PDE9A: variants seen among roughly 807,000 people sequenced by gnomAD.
PDE9A encodes the protein phosphodiesterase 9A, also known as high affinity cGMP-specific 3',5'-cyclic phosphodiesterase 9A.
Under a neutral mutation model 87.4 loss-of-function variants are expected in PDE9A, and 60 were observed. The observed-to-expected ratio is 0.69, with a 90% confidence interval of 0.56 to 0.85. The LOEUF (loss-of-function observed/expected upper bound fraction) is 0.85. Among genes scored for constraint, PDE9A ranks in the 40% least tolerant of loss-of-function variants. The pLI is 0.00. For missense variants in PDE9A, 665 were observed against 779.0 expected, an observed-to-expected ratio of 0.85 and a Z score of 1.74; for synonymous variants, 272 against 279.4, an observed-to-expected ratio of 0.97 and a Z score of 0.27.
Position 42,675,500 on chromosome 21 carries a change from A to C in PDE9A, c.70-10692A>C, listed in dbSNP as rs1330910164. Among the ~76,000 whole-genome samples the C allele has an allele frequency of 1.3e-5, 2 of 152,238 alleles. No individual in the cohort carries two copies. The highest frequency in any genetic ancestry group is 4.8e-5 in the African/African-American group (2 of 41,460). ...TGCTCTTATTAGTATGTTTATCTTCATTATGTCCCTAAGAGCCATTCCTGG... is the reference window on the plus strand; with the variant it reads ...TGCTCTTATTAGTATGTTTATCTTCCTTATGTCCCTAAGAGCCATTCCTGG... On this transcript the variant is annotated intron_variant, in intron 1 of 19. Transcript: ENST00000291539. The surrounding 1 kb of genome is among the most constrained non-coding windows in gnomAD (Gnocchi z 4.3).
intron 1 of PDE9A, among the ~76,000 whole-genome samples, chr21:42,664,831 C>T (rs1400707678): frequency 1.3e-5 from 2 of 152,234 alleles, no homozygotes; most frequent in East Asian, 1.9e-4. Context: ...TCTCGACTTC[C>T]GCCCGCCTGC....
At chr21:42,762,060 C>G (rs563924183) in intron 13 of PDE9A, 23 bp from the exon 14 acceptor site, 2 of 1,608,642 alleles carry the variant, frequency 1.2e-6, no homozygotes, top group Non-Finnish European at 1.7e-6. Flanking sequence ...TGAGTCTCCC[C>G]TCACTCTCTC....
chr21:42,704,208 C>T lies in PDE9A; in HGVS notation c.262+5197C>T, dbSNP rs377558147. 3.3e-5 allele frequency among the ~76,000 whole-genome samples: 5 copies of T among 152,198 alleles called. No individual in the cohort carries two copies. The highest frequency in any genetic ancestry group is 7.2e-5 in the African/African-American group (3 of 41,454). ...GTGTCCCTCCGGGCCAGCCGAGGAG[C>T]GCTGCGCTTATTCCGCAGTGAGGAG... On this transcript the variant is annotated intron_variant, in intron 4 of 19. Coordinates refer to ENST00000291539, the MANE Select transcript of PDE9A (RefSeq NM_002606.3). This position sits in a 1 kb window ranked among gnomAD's most constrained non-coding sequence, Gnocchi z 5.3.
At chr21:42,751,278 C>G in intron 9 of PDE9A, 81 bp downstream of exon 9, 1 of 1,011,612 alleles carries the variant, frequency 9.9e-7, no homozygotes, top group Non-Finnish European at 1.6e-6. Flanking sequence ...GCGGCCAGAC[C>G]CTGCTGTGTG....
In PDE9A at chr21:42,762,092, C is replaced by G; in HGVS notation, c.1095C>G (p.Ile365Met). 6.2e-7 allele frequency: 1 copy of G among 1,613,632 alleles called. No homozygotes were observed. Among genetic ancestry groups the G allele is most frequent in the Non-Finnish European group, 8.5e-7 (1 of 1,179,724 alleles). ...TCTCCTTGCCTCCCAGGTACCAGATCAATGCCCGCACAGAGCTGGCGGTCC... is the reference window on the plus strand; with the variant it reads ...TCTCCTTGCCTCCCAGGTACCAGATGAATGCCCGCACAGAGCTGGCGGTCC... ...DHPGYNNTYQ[I>M]NARTELAVRY... The change falls in exon 14 of 20, where the codon ATC (isoleucine) becomes ATG (methionine). Residue 365 changes from isoleucine to methionine, a missense_variant. By Grantham distance (10) the Ile-to-Met change is conservative. Transcript: ENST00000291539.
At chr21:42,755,897 C>T (rs968854826) in intron 10 of PDE9A, among the ~76,000 whole-genome samples, 1 of 152,250 alleles carries the variant, frequency 6.6e-6, no homozygotes, top group African/African-American at 2.4e-5. Context: ...TGGAAACTGG[C>T]ACTCGCTGTC....
At chr21:42,727,077 C>CAAAAA (rs34249348) in intron 4 of PDE9A, among the ~76,000 whole-genome samples, 82 of 81,666 alleles carry the variant, frequency 1.0e-3, no homozygotes, top group African/African-American at 3.5e-3. Flanking sequence ...TCTATTTCTA[C>CAAAAA]AAAAAAAAAA....
chr21:42,740,116 G>C (rs1197747958), intron 7 of PDE9A, among the ~76,000 whole-genome samples: 2 of 152,122 alleles, frequency 1.3e-5, no homozygotes, highest in African/African-American at 2.4e-5. Context: ...TACATACATA[G>C]ATAGATACTA....
intron 10 of PDE9A, chr21:42,757,673 C>T (rs1209820381): frequency 1.3e-5 from 2 of 152,154 alleles, no homozygotes; most frequent in East Asian, 3.9e-4. Flanking sequence ...TGGTGTGGGA[C>T]CTTCTTGCTG....
At chr21:42,665,650 C>T (rs1175952907) in intron 1 of PDE9A, among the ~76,000 whole-genome samples, 1 of 152,208 alleles carries the variant, frequency 6.6e-6, no homozygotes, top group African/African-American at 2.4e-5. Flanking sequence ...GTCCCCGCTC[C>T]TAGGAAGCCG....
chr21:42,733,013 G>A (rs186625168), intron 6 of PDE9A, among the ~76,000 whole-genome samples: 1 of 152,380 alleles, frequency 6.6e-6, no homozygotes, highest in East Asian at 1.9e-4. Context: ...GTGCCCATCA[G>A]GGGAAGGTGC....
intron 4 of PDE9A, among the ~76,000 whole-genome samples, chr21:42,703,084 A>G (rs1011725509): frequency 6.6e-6 from 1 of 152,252 alleles, no homozygotes; most frequent in Non-Finnish European, 1.5e-5. Flanking sequence ...AGGTTCCAGC[A>G]GGTTCTAAAG....
intron 4 of PDE9A, among the ~76,000 whole-genome samples, chr21:42,725,422 A>T (rs778785039): frequency 1.1e-4 from 17 of 151,946 alleles, no homozygotes; most frequent in African/African-American, 4.1e-4. Flanking sequence ...TATTTTCAGT[A>T]CAGACGGGGT....
intron 2 of PDE9A, among the ~76,000 whole-genome samples, chr21:42,686,485 G>T (rs998796860): frequency 6.6e-6 from 1 of 152,252 alleles, no homozygotes; most frequent in Non-Finnish European, 1.5e-5. Context: ...GGAGGAAACC[G>T]TCGGGCTGAA....
At chr21:42,727,328 G>A (rs1210528800) in intron 4 of PDE9A, among the ~76,000 whole-genome samples, 1 of 151,754 alleles carries the variant, frequency 6.6e-6, no homozygotes, top group Non-Finnish European at 1.5e-5. Flanking sequence ...TGGTACTGGT[G>A]TTTGTTTGTT....
rs376928020 is a variant in PDE9A at position 42,692,885 on chromosome 21, G to A, written c.218+4891G>A. On this transcript the variant is annotated intron_variant, in intron 3 of 19. Coordinates refer to ENST00000291539, the MANE Select transcript of PDE9A (RefSeq NM_002606.3). This position sits in a 1 kb window ranked among gnomAD's most constrained non-coding sequence, Gnocchi z 4.3. ...TTGCTCCTCGCACTCTTCCTGCACC[G>A]GAGCCGCGGTGCGAGGCCTCGGGAA... Among the ~76,000 whole-genome samples the A allele has an allele frequency of 5.3e-5, 8 of 152,128 alleles. 1 individual carries two copies. In the East Asian group the frequency reaches 1.4e-3, roughly 26 times the overall value.
In PDE9A at chr21:42,760,248, G is replaced by A. The variant is rs1482072412; in HGVS notation, c.898-80G>A. 3.0e-5 allele frequency: 24 copies of A among 801,644 alleles called. No individual in the cohort carries two copies. The highest frequency in any genetic ancestry group is 1.7e-4 in the Admixed American group (9 of 54,032). The allele number at this position is 801,644 out of a possible 1,614,324, so 49.7% of individuals were successfully genotyped here. A position where few individuals can be genotyped will look rare whatever the true frequency, so the allele number is the denominator to read the frequency against. Reference sequence around the variant, plus strand: ...TTTGGCAGAGAATGTTCAAACCAGCGCACAGCCTTCTGGGTGGCTTTGGGA... The same window carrying A: ...TTTGGCAGAGAATGTTCAAACCAGCACACAGCCTTCTGGGTGGCTTTGGGA... On this transcript the variant is annotated intron_variant, in intron 11 of 19. Transcript: ENST00000291539. This position sits in a 1 kb window ranked among gnomAD's most constrained non-coding sequence, Gnocchi z 5.2.
At chr21:42,769,732 A>G (rs879040270) in intron 17 of PDE9A, among the ~76,000 whole-genome samples, 13 of 59,828 alleles carry the variant, frequency 2.2e-4, no homozygotes, top group South Asian at 1.5e-3. Context: ...ACACACGTAC[A>G]GAGGCACACA....
intron 4 of PDE9A, among the ~76,000 whole-genome samples, chr21:42,720,148 A>C (rs1242287188): frequency 1.3e-5 from 2 of 152,146 alleles, no homozygotes; most frequent in Non-Finnish European, 2.9e-5. Flanking sequence ...CCCAAATTCA[A>C]ATTCCCCCAG....
Sources: allele counts gnomAD v4.1 joint callset (sites outside exome capture counted in the v4.1 genomes callset), GRCh38; gene constraint gnomAD v4.1.1; non-coding constraint Gnocchi (gnomAD v3.1); transcripts MANE v1.5; gene names NCBI Gene and HGNC (gene_info 2026-07-23, HGNC 2026-07-21).